The following DNAJC1 variants were observed in gnomAD, a reference collection of about 807,000 sequenced individuals.
DNAJC1 encodes dnaJ homolog subfamily C member 1.
In DNAJC1, 58 loss-of-function variants were observed where a neutral mutation model predicts 76.6. That is an observed-to-expected ratio of 0.76 (90% CI 0.61 to 0.94). The LOEUF (loss-of-function observed/expected upper bound fraction) is 0.94, where lower values mean the gene tolerates loss of function less well. Among genes scored for constraint, DNAJC1 ranks in the 40% least tolerant of loss-of-function variants. DNAJC1 has a pLI of 0.00. For missense variants in DNAJC1, 689 were observed against 677.3 expected, an observed-to-expected ratio of 1.02 and a Z score of -0.19; for synonymous variants, 258 against 267.9, an observed-to-expected ratio of 0.96 and a Z score of 0.36.
intron 7 of DNAJC1, among the ~76,000 whole-genome samples, chr10:21,899,825 G>A (rs922971989): frequency 6.6e-6 from 1 of 152,158 alleles, no homozygotes; most frequent in African/African-American, 2.4e-5. Context: ...AAACTGGCAG[G>A]CTGGAACTCA....
chr10:21,901,615 C>T (rs184036863), intron 7 of DNAJC1, among the ~76,000 whole-genome samples: 3 of 152,116 alleles, frequency 2.0e-5, no homozygotes, highest in Non-Finnish European at 1.5e-5. Flanking sequence ...CTTTTCACTG[C>T]CCCCCATATC....
At chr10:21,981,707 G>T (rs182016426) in intron 1 of DNAJC1, among the ~76,000 whole-genome samples, 11 of 152,124 alleles carry the variant, frequency 7.2e-5, no homozygotes, top group Non-Finnish European at 1.0e-4. Flanking sequence ...GACGGTGCCA[G>T]GAAAACTGGA....
rs191963424 is a variant in DNAJC1, at chr10:21,826,290, T to G, written c.979-20191A>C. Among the ~76,000 whole-genome samples the G allele has an allele frequency of 8.8e-5, 13 of 148,064 alleles. 1 individual carries two copies. In the East Asian group the frequency reaches 2.8e-3, roughly 31 times the overall value. On this transcript the variant is annotated intron_variant, in intron 8 of 11. Coordinates refer to ENST00000376980, the MANE Select transcript of DNAJC1 (RefSeq NM_022365.4). The stretch of plus-strand genomic sequence containing the variant: ...AAAATATATCACATATGCAAATATT[T>G]TCTCCCATTCTGTGGGGTGCATTTT...
In DNAJC1 at chr10:21,901,045, T is replaced by G. The variant is rs1373596008; in HGVS notation, c.820+3477A>C. Among the ~76,000 whole-genome samples the G allele has an allele frequency of 2.0e-5, 3 of 152,334 alleles. No homozygotes were observed. The East Asian group carries it at 5.8e-4, about 29-fold the overall frequency. ...TCTGTCCCCCCACTTTCTCGCTAAG[T>G]GCTTCATCCTACAGGGTGTGTCCCT... On this transcript the variant is annotated intron_variant, in intron 7 of 11. Coordinates refer to ENST00000376980, the MANE Select transcript of DNAJC1 (RefSeq NM_022365.4).
At chr10:21,935,966 C>G (rs185916047) in intron 1 of DNAJC1, among the ~76,000 whole-genome samples, 1 of 152,220 alleles carries the variant, frequency 6.6e-6, no homozygotes, top group Non-Finnish European at 1.5e-5. Context: ...GTCCTTCAAG[C>G]TGAAAGAAAA....
rs188868921 is a variant in DNAJC1 at position 21,759,182 on chromosome 10, C to A, written c.1584G>T (p.Pro528=). The change falls in exon 11 of 12, where the codon CCG becomes CCT. Residue 528 remains proline, a synonymous_variant. Transcript: ENST00000376980. ...CCCCATCACTCACCTTGCTCTTGGACGGGACACATCTGGCTATTTTGTCCC... is the reference window on the plus strand; with the variant it reads ...CCCCATCACTCACCTTGCTCTTGGAAGGGACACATCTGGCTATTTTGTCCC... ...DRWDKIARCV[P]SKSKEDCIAR... is the part of the protein sequence containing the mutation. 1 of 1,613,110 alleles carries A rather than the reference C, an allele frequency of 6.2e-7. No homozygotes were observed. The highest frequency in any genetic ancestry group is 8.5e-7 in the Non-Finnish European group (1 of 1,179,464).
Position 21,796,427 on chromosome 10 carries a change from T to C in DNAJC1, c.1098+9553A>G, listed in dbSNP as rs1834751259. Reference sequence around the variant, plus strand: ...GGGAAGTGCAGATACCTCTTTGAGATCTTGATTTCACTTCTTTTGGATATA... The same window carrying C: ...GGGAAGTGCAGATACCTCTTTGAGACCTTGATTTCACTTCTTTTGGATATA... On this transcript the variant is annotated intron_variant, in intron 9 of 11. Coordinates refer to ENST00000376980, the MANE Select transcript of DNAJC1 (RefSeq NM_022365.4). Among the ~76,000 whole-genome samples, 3 of 152,194 alleles carry C rather than the reference T, an allele frequency of 2.0e-5. No homozygotes were observed. In the South Asian group the frequency reaches 6.2e-4, roughly 32 times the overall value.
At position 21,914,578 on chromosome 10, in the gene DNAJC1, A is replaced by G. The variant is rs76181954; in HGVS notation, c.729+4201T>C. 3.5e-4 allele frequency among the ~76,000 whole-genome samples: 54 copies of G among 152,324 alleles called. 1 individual carries two copies. The highest frequency in any genetic ancestry group is 1.3e-3 in the African/African-American group (53 of 41,580). On this transcript the variant is annotated intron_variant, in intron 6 of 11. Coordinates refer to ENST00000376980, the MANE Select transcript of DNAJC1 (RefSeq NM_022365.4). ...TCTAAATATTCTTTTTAGACTTGTC[A>G]TATCAGATTTACCTGTTATAATATA...
At chr10:21,944,450 A>G (rs185424277) in intron 1 of DNAJC1, among the ~76,000 whole-genome samples, 50 of 152,302 alleles carry the variant, frequency 3.3e-4, no homozygotes, top group Middle Eastern at 6.8e-3. Flanking sequence ...ATTCTCTGGA[A>G]GACAGACCAA....
chr10:21,966,687 CTTTT>C (rs111881136), intron 1 of DNAJC1, among the ~76,000 whole-genome samples: 6 of 129,976 alleles, frequency 4.6e-5, no homozygotes, highest in Non-Finnish European at 8.1e-5. Context: ...TCTTCTTCTT[CTTTT>C]TTTTTTTTTT....
intron 8 of DNAJC1, among the ~76,000 whole-genome samples, chr10:21,812,559 CTTTTT>C (rs539824346): frequency 3.2e-4 from 49 of 151,458 alleles, no homozygotes; most frequent in Admixed American, 2.0e-3. Flanking sequence ...TCTATATTTT[CTTTTT>C]TAATAGATTT....
At chr10:21,863,069 T>C (rs1048224689) in intron 8 of DNAJC1, among the ~76,000 whole-genome samples, 2 of 151,544 alleles carry the variant, frequency 1.3e-5, no homozygotes, top group African/African-American at 4.9e-5. Flanking sequence ...GAGGCGGAGG[T>C]TGCAGTGTGC....
chr10:21,813,553 G>A (rs1046542961), intron 8 of DNAJC1, among the ~76,000 whole-genome samples: 6 of 151,788 alleles, frequency 4.0e-5, no homozygotes, highest in Non-Finnish European at 8.8e-5. Context: ...CCACCATCAC[G>A]CCCAGCTAAT....
intron 1 of DNAJC1, among the ~76,000 whole-genome samples, chr10:21,929,564 G>C (rs1002125094): frequency 1.3e-5 from 2 of 152,098 alleles, no homozygotes; most frequent in African/African-American, 4.8e-5. Flanking sequence ...CTAACCATAT[G>C]GTTTCTCTAT....
intron 9 of DNAJC1, among the ~76,000 whole-genome samples, chr10:21,790,987 C>G (rs942461910): frequency 6.6e-6 from 1 of 151,918 alleles, no homozygotes; most frequent in Non-Finnish European, 1.5e-5. Context: ...ATAAGAAATT[C>G]ACTTCACTTA....
At chr10:21,901,529 A>T (rs2131741889) in intron 7 of DNAJC1, among the ~76,000 whole-genome samples, 1 of 152,338 alleles carries the variant, frequency 6.6e-6, no homozygotes, top group Non-Finnish European at 1.5e-5. Context: ...AAAGTGCCCC[A>T]AATTTCCCAA....
intron 1 of DNAJC1, among the ~76,000 whole-genome samples, chr10:21,952,164 G>A (rs1463385451): frequency 1.3e-5 from 2 of 152,090 alleles, no homozygotes; most frequent in Non-Finnish European, 2.9e-5. Context: ...TGTCTCAATA[G>A]AGAATAAATA....
intron 9 of DNAJC1, among the ~76,000 whole-genome samples, chr10:21,786,469 G>GAGAA: frequency 7.7e-6 from 1 of 130,542 alleles, no homozygotes; most frequent in East Asian, 2.2e-4. Context: ...TATATAGAGA[G>GAGAA]AGAGAGAGAG....
At chr10:21,904,025 G>A (rs776763886) in intron 7 of DNAJC1, among the ~76,000 whole-genome samples, 1 of 152,114 alleles carries the variant, frequency 6.6e-6, no homozygotes, top group Admixed American at 6.5e-5. Flanking sequence ...AGCAAGAACT[G>A]TCTTTGTGTT....
Sources: gnomAD v4.1 joint callset for allele counts (sites outside exome capture counted in the v4.1 genomes callset) on GRCh38, gnomAD v4.1.1 for gene constraint, MANE v1.5 for transcripts, NCBI Gene and HGNC (gene_info 2026-07-23, HGNC 2026-07-21) for gene names.